Variants in PRSS23 observed in about 807,000 individuals in gnomAD.
PRSS23 encodes the protein protease, serine 23.
Under a neutral mutation model 34.7 loss-of-function variants are expected in PRSS23, and 25 were observed. That is an observed-to-expected ratio of 0.72 (90% CI 0.53 to 1.01). The LOEUF (loss-of-function observed/expected upper bound fraction) is 1.01. PRSS23 is among the 50% of genes least tolerant of loss of function. PRSS23 has a pLI of 0.00. For missense variants in PRSS23, 445 were observed against 475.6 expected (o/e 0.94, Z 0.60); for synonymous variants, 176 against 186.6 (o/e 0.94, Z 0.46).
chr11:86,900,599 G>A (rs992682181), intron 2 of PRSS23, among the ~76,000 whole-genome samples: 2 of 151,800 alleles, frequency 1.3e-5, no homozygotes, highest in African/African-American at 4.8e-5. Flanking sequence ...CTCATTTTGT[G>A]CCACTCTTCC....
intron 2 of PRSS23, among the ~76,000 whole-genome samples, chr11:86,872,010 G>A (rs919560107): frequency 2.0e-5 from 3 of 152,194 alleles, no homozygotes; most frequent in African/African-American, 7.2e-5. Flanking sequence ...AAAAGCATGG[G>A]CTCTGGAATC....
chr11:86,815,544 G>A (rs573883507), downstream of PRSS23, among the ~76,000 whole-genome samples: 4 of 152,206 alleles, frequency 2.6e-5, no homozygotes, highest in African/African-American at 9.6e-5. Flanking sequence ...ACACATCCCA[G>A]AATAAAACTC....
At chr11:86,929,338 A>AAAC (rs1288756041) in intron 2 of PRSS23, among the ~76,000 whole-genome samples, 1 of 150,822 alleles carries the variant, frequency 6.6e-6, no homozygotes, top group Admixed American at 6.6e-5. Context: ...AAAAAAACAA[A>AAAC]AAAAAAAACC....
chr11:86,908,196 T>C (rs561978555), intron 2 of PRSS23, among the ~76,000 whole-genome samples: 1 of 152,338 alleles, frequency 6.6e-6, no homozygotes, highest in South Asian at 2.1e-4. Flanking sequence ...CTGATTTCAA[T>C]TCTTTTTAAT....
At chr11:86,832,792 A>C (rs1172669804) in intron 2 of PRSS23, 1 of 291,954 alleles carries the variant, frequency 3.4e-6, no homozygotes, top group East Asian at 8.8e-5. Context: ...TGGAGGAAAC[A>C]ATTTTATAGT....
chr11:86,888,129 A>C (rs528221478), intron 2 of PRSS23, among the ~76,000 whole-genome samples: 238 of 151,028 alleles, frequency 1.6e-3, no homozygotes, highest in Middle Eastern at 3.4e-3. Flanking sequence ...AAAAAAAACA[A>C]AACAAAACAA....
chr11:86,811,761 T>TAG (rs2135605803), downstream of PRSS23, among the ~76,000 whole-genome samples: 1 of 152,224 alleles, frequency 6.6e-6, no homozygotes, highest in South Asian at 2.1e-4. Flanking sequence ...GAATCACTCT[T>TAG]TCTCTAACAA....
chr11:86,799,713 C>T (rs571459103), upstream of PRSS23, among the ~76,000 whole-genome samples: 3 of 152,002 alleles, frequency 2.0e-5, no homozygotes, highest in Non-Finnish European at 4.4e-5. Flanking sequence ...CCAACCACCA[C>T]CACCAAGATA....
chr11:86,879,544 G>T (rs1418705089), intron 2 of PRSS23, among the ~76,000 whole-genome samples: 1 of 137,030 alleles, frequency 7.3e-6, no homozygotes, highest in Non-Finnish European at 1.6e-5. Flanking sequence ...CCGGGAGGGA[G>T]GTGGGGGGGT....
At chr11:86,859,261 AGGTG>A (rs879828819) in intron 2 of PRSS23, among the ~76,000 whole-genome samples, 59,104 of 151,332 alleles carry the variant, frequency 0.39, 11,919 homozygotes, top group African/African-American at 0.49. Flanking sequence ...GATTTAGTTC[AGGTG>A]ATATCTCAGG....
intron 1 of PRSS23, among the ~76,000 whole-genome samples, chr11:86,819,691 C>A (rs577210385): frequency 2.0e-4 from 30 of 152,278 alleles, no homozygotes; most frequent in African/African-American, 7.2e-4. Flanking sequence ...CTGTTCCCCA[C>A]ACTTTTGCTG....
intron 2 of PRSS23, among the ~76,000 whole-genome samples, chr11:86,830,695 G>T (rs115008736): frequency 6.6e-6 from 1 of 152,116 alleles, no homozygotes; most frequent in East Asian, 1.9e-4. Context: ...TATACACCCC[G>T]TAATATTATT....
intron 1 of PRSS23, among the ~76,000 whole-genome samples, chr11:86,816,625 T>C (rs999452161): frequency 2.0e-5 from 3 of 152,232 alleles, no homozygotes; most frequent in Non-Finnish European, 4.4e-5. Context: ...GCATGACTAA[T>C]ATCCTCTGTG....
chr11:86,855,003 T>A (rs1456818489), intron 2 of PRSS23, among the ~76,000 whole-genome samples: 1 of 152,080 alleles, frequency 6.6e-6, no homozygotes, highest in Non-Finnish European at 1.5e-5. Flanking sequence ...TCATCTCTAC[T>A]AAAAATACAA....
chr11:86,950,903 T>C, intron 2 of PRSS23: 1 of 581,844 alleles, frequency 1.7e-6, no homozygotes, highest in Non-Finnish European at 3.1e-6. Context: ...TTTTGATTTT[T>C]CACAGCTTTG....
intron 2 of PRSS23, among the ~76,000 whole-genome samples, chr11:86,840,609 C>T (rs1025572396): frequency 6.6e-6 from 1 of 152,178 alleles, no homozygotes. Context: ...AACAAGTGGA[C>T]CTAATAGACA....
intron 2 of PRSS23, among the ~76,000 whole-genome samples, chr11:86,833,841 G>C (rs548638133): frequency 6.6e-6 from 1 of 152,120 alleles, no homozygotes; most frequent in Non-Finnish European, 1.5e-5. Flanking sequence ...CCCAAGTACT[G>C]TTGGGGAGGT....
chr11:86,927,216 G>C lies in PRSS23; in HGVS notation c.207-24000G>C, dbSNP rs74656747. ...GAGGGAAAGAATCAAGGGCTAAGCA[G>C]ATACCTCAAGGTTTCTATTATAGGC... is the stretch of plus-strand genomic sequence containing the variant. On this transcript the variant is annotated intron_variant, in intron 2 of 2. Transcript: ENST00000533902. Among the ~76,000 whole-genome samples the C allele has an allele frequency of 5.1e-3, 784 of 152,308 alleles. 6 individuals carry two copies. Among genetic ancestry groups the C allele is most frequent in the Non-Finnish European group, 7.7e-3 (523 of 68,038 alleles).
chr11:86,791,207 C>G (rs1947950417), intron 1 of PRSS23: 1 of 152,368 alleles, frequency 6.6e-6, no homozygotes. Context: ...TAAGTCCCAC[C>G]TCACTCCCCC....
Sources: allele counts gnomAD v4.1 joint callset (sites outside exome capture counted in the v4.1 genomes callset), GRCh38; gene constraint gnomAD v4.1.1; transcripts MANE v1.5; gene names NCBI Gene and HGNC (gene_info 2026-07-23, HGNC 2026-07-21).